The following SYNE2 variants were observed in gnomAD, a reference collection of about 807,000 sequenced individuals.
SYNE2 encodes the protein spectrin repeat containing nuclear envelope protein 2.
In SYNE2, 431 loss-of-function variants were observed where a neutral mutation model predicts 856.3. The ratio of observed to expected loss-of-function variants is 0.50; its 90% CI spans 0.47 to 0.55. The LOEUF is 0.55. SYNE2 is among the 20% of genes least tolerant of loss of function. SYNE2 has a pLI of 0.00. For synonymous variants in SYNE2, 2,923 were observed against 2,872.3 expected, an observed-to-expected ratio of 1.02 and a Z score of -0.56; for missense variants, 8,129 against 8,023.2, an observed-to-expected ratio of 1.01 and a Z score of -0.50.
At chr14:63,884,669 C>G (rs749547302) in intron 1 of SYNE2, among the ~76,000 whole-genome samples, 1 of 152,006 alleles carries the variant, frequency 6.6e-6, no homozygotes, top group Non-Finnish European at 1.5e-5. Flanking sequence ...AACCTGGGGC[C>G]TTAAGGAGAG....
intron 27 of SYNE2, among the ~76,000 whole-genome samples, chr14:63,999,951 C>T (rs1029743920): frequency 3.3e-5 from 5 of 152,158 alleles, no homozygotes; most frequent in African/African-American, 7.2e-5. Context: ...TGTCTTGAGA[C>T]GTTTCTCCAG....
At chr14:64,078,150 C>T (rs2097484382) in intron 54 of SYNE2, among the ~76,000 whole-genome samples, 1 of 152,164 alleles carries the variant, frequency 6.6e-6, no homozygotes, top group South Asian at 2.1e-4. Flanking sequence ...GGAAATGTTT[C>T]ACACAATCCA....
chr14:64,210,982 TTCTC>T (rs2098637930), intron 103 of SYNE2, among the ~76,000 whole-genome samples: 1 of 152,102 alleles, frequency 6.6e-6, no homozygotes, highest in Non-Finnish European at 1.5e-5. Flanking sequence ...TTTCTCTCTC[TTCTC>T]TCTTTCTTCT....
chr14:64,113,588 A>G lies in SYNE2; in HGVS notation c.12840+17A>G. 2 of 1,587,648 alleles carry G rather than the reference A, an allele frequency of 1.3e-6. No homozygotes were observed. Among genetic ancestry groups the G allele is most frequent in the Non-Finnish European group, 8.6e-7 (1 of 1,167,076 alleles). On this transcript the variant is annotated intron_variant, in intron 66 of 115. Coordinates refer to ENST00000555002, the MANE Select transcript of SYNE2 (RefSeq NM_182914.3). ...GGGTGCCAGGTAAGACTGAGAAGTC[A>G]GAGTTCATGGTTTGCCTCTCCACCA...
rs1328369254 is a variant in SYNE2, at chr14:64,141,533, T to C, written c.15159+10T>C. 3.7e-6 allele frequency: 6 copies of C among 1,613,060 alleles called. No homozygotes were observed. Among genetic ancestry groups the C allele is most frequent in the African/African-American group, 1.3e-5 (1 of 74,918 alleles). ...AGAAAAACTTCACCAGGTAAGTCTT[T>C]AGAGCCTCAGCATTTGAATTAGCAT... On this transcript the variant is annotated intron_variant, in intron 81 of 115. Coordinates refer to ENST00000555002, the MANE Select transcript of SYNE2 (RefSeq NM_182914.3).
rs761747445 is a variant in SYNE2 at position 64,167,577 on chromosome 14, G to A, written c.16843G>A (p.Ala5615Thr). Reference sequence around the variant, plus strand: ...CCAACTTTTGGAGAAGATAGAAGAAGCACTCAAAGTGGATGTGGCTAACAG... The same window carrying A: ...CCAACTTTTGGAGAAGATAGAAGAAACACTCAAAGTGGATGTGGCTAACAG... ...WIQLLEKIEE[A>T]LKVDVANSLP... The change falls in exon 92 of 116, where the codon GCA becomes ACA. Residue 5615 changes from alanine to threonine, a missense_variant. Physicochemically the swap from Ala to Thr is moderately conservative, Grantham distance 58. This residue lies in a region of SYNE2 where 5,410 missense variants were observed against 5,284.8 expected (regional missense o/e 1.02). Transcript: ENST00000555002. 3.7e-6 allele frequency: 6 copies of A among 1,614,102 alleles called. No individual in the cohort carries two copies. The highest frequency in any genetic ancestry group is 5.1e-6 in the Non-Finnish European group (6 of 1,180,038).
intron 11 of SYNE2, among the ~76,000 whole-genome samples, chr14:63,970,559 T>C (rs1180741775): frequency 2.0e-5 from 3 of 152,098 alleles, no homozygotes; most frequent in Non-Finnish European, 4.4e-5. Context: ...AATAGTTCAA[T>C]TTAGGTATAT....
chr14:63,858,686 A>T (rs1892613496), intron 1 of SYNE2, among the ~76,000 whole-genome samples: 1 of 152,156 alleles, frequency 6.6e-6, no homozygotes, highest in Non-Finnish European at 1.5e-5. Context: ...TCCATCTCTT[A>T]ATACTGTAAT....
intron 21 of SYNE2, 140 bp from the exon 22 acceptor site, chr14:63,993,695 A>C: frequency 1.4e-6 from 1 of 737,502 alleles, no homozygotes; most frequent in Non-Finnish European, 2.2e-6. Context: ...GAAGTCTCCT[A>C]TAAATCTTCA....
intron 30 of SYNE2, among the ~76,000 whole-genome samples, chr14:64,004,291 C>T (rs559799080): frequency 6.6e-6 from 1 of 151,078 alleles, no homozygotes; most frequent in Non-Finnish European, 1.5e-5. Flanking sequence ...GCCTTGGCCT[C>T]CTAAAGTGCT....
chr14:63,766,949 G>A (rs1189864984), intron 1 of SYNE2, among the ~76,000 whole-genome samples: 1 of 152,022 alleles, frequency 6.6e-6, no homozygotes, highest in Non-Finnish European at 1.5e-5. Flanking sequence ...AGAAGTTGGT[G>A]AGTCCATGAT....
chr14:63,993,731 A>G (rs2096688176), intron 21 of SYNE2, 104 bp from the exon 22 acceptor site: 3 of 1,011,152 alleles, frequency 3.0e-6, no homozygotes. Flanking sequence ...GCACCTTCCC[A>G]CTTTACCAGT....
chr14:64,152,119 T>C (rs915313843), intron 84 of SYNE2, among the ~76,000 whole-genome samples: 8 of 152,228 alleles, frequency 5.3e-5, no homozygotes, highest in African/African-American at 9.7e-5. Flanking sequence ...CCAACAGTTA[T>C]ATCGTCTGTC....
At chr14:64,086,845 G>C (rs1225418952) in intron 57 of SYNE2, among the ~76,000 whole-genome samples, 2 of 150,872 alleles carry the variant, frequency 1.3e-5, no homozygotes, top group Admixed American at 6.6e-5. Context: ...GAGTAGCTGG[G>C]ATTACAGGCT....
intron 45 of SYNE2, among the ~76,000 whole-genome samples, chr14:64,039,651 T>C (rs2097132142): frequency 1.3e-5 from 2 of 152,368 alleles, no homozygotes; most frequent in African/African-American, 4.8e-5. Flanking sequence ...AATTTATTAT[T>C]AACTTTGAAC....
chr14:64,195,590 C>T (rs781522700), intron 99 of SYNE2, among the ~76,000 whole-genome samples: 49 of 152,186 alleles, frequency 3.2e-4, no homozygotes, highest in Non-Finnish European at 6.5e-4. Context: ...AAAAGCTCAC[C>T]TACTTTATAG....
rs2098253442 is a variant in SYNE2, at chr14:64,152,651, T to C, written c.15727T>C (p.Leu5243=). Residue 5243 remains leucine (L), a synonymous_variant, in exon 85 of 116, where the codon TTG becomes CTG. Transcript: ENST00000555002. ...GACTTTGGAGAGTGGGGCAGTGCCA[T>C]TGTTAGAAGATACAGCATCCCGAAT... The part of the protein sequence containing the change: ...YLTLESGAVP[L]LEDTASRIDE... 1.9e-6 allele frequency: 3 copies of C among 1,614,050 alleles called. No individual in the cohort carries two copies. Among genetic ancestry groups the C allele is most frequent in the African/African-American group, 2.7e-5 (2 of 74,936 alleles).
chr14:64,005,857 A>T (rs537666926), intron 30 of SYNE2, among the ~76,000 whole-genome samples: 2 of 152,300 alleles, frequency 1.3e-5, no homozygotes, highest in Non-Finnish European at 2.9e-5. Flanking sequence ...AAGAGGTCCA[A>T]GTTGGATCCA....
chr14:64,067,227 A>G (rs1316010743), intron 51 of SYNE2, among the ~76,000 whole-genome samples: 21 of 152,256 alleles, frequency 1.4e-4, no homozygotes, highest in Non-Finnish European at 2.8e-4. Context: ...TGTAATAACA[A>G]TAATAAAAAC....
Sources: allele counts gnomAD v4.1 joint callset (sites outside exome capture counted in the v4.1 genomes callset), GRCh38; gene constraint gnomAD v4.1.1; regional missense constraint gnomAD v4.1.1; transcripts MANE v1.5; gene names NCBI Gene and HGNC (gene_info 2026-07-23, HGNC 2026-07-21).